SRGAP3: variants seen among roughly 807,000 people sequenced by gnomAD.
The protein encoded by SRGAP3 is SLIT-ROBO Rho GTPase-activating protein 3.
SRGAP3 carries 39 observed loss-of-function variants against 121.1 expected under a neutral mutation model. The ratio of observed to expected loss-of-function variants is 0.32; its 90% CI spans 0.25 to 0.42. The LOEUF is 0.42. Among genes scored for constraint, SRGAP3 ranks in the 10% least tolerant of loss-of-function variants. The pLI, the probability that SRGAP3 is intolerant of heterozygous loss-of-function variation, is 1.00. For missense variants in SRGAP3, 1,213 were observed against 1,470.6 expected (o/e 0.82, Z 2.86); for synonymous variants, 601 against 570.0 (o/e 1.05, Z -0.77).
Position 9,032,690 on chromosome 3 carries a change from C to T in SRGAP3, c.1499G>A (p.Ser500Asn). 2 of 1,613,344 alleles carry T rather than the reference C, an allele frequency of 1.2e-6. No homozygotes were observed. The highest frequency in any genetic ancestry group is 1.7e-5 in the Admixed American group (1 of 59,942). ...MRRPRPLSVY[S>N]HKLFNGSMEA... is the part of the protein sequence containing the mutation. ...CATACTGCCGTTAAAGAGTTTATGG[C>T]TATACACTGAGAGAGGCCTAGGTCT... The change falls in exon 12 of 22, where the codon AGC becomes AAC. Residue 500 changes from serine (S) to asparagine (N), a missense_variant. By Grantham distance (46) the Ser-to-Asn change is conservative. Coordinates refer to ENST00000383836, the MANE Select transcript of SRGAP3 (RefSeq NM_014850.4).
intron 3 of SRGAP3, among the ~76,000 whole-genome samples, chr3:9,261,053 G>A (rs1427287177): frequency 6.6e-6 from 1 of 152,184 alleles, no homozygotes; most frequent in Non-Finnish European, 1.5e-5. Context: ...TGATACCCAG[G>A]CAAACAGGAT....
chr3:8,983,143 C>A lies in SRGAP3; in HGVS notation c.*2376G>T, dbSNP rs190017127. On this transcript the variant is annotated 3_prime_UTR_variant, in exon 22 of 22. Transcript: ENST00000383836. ...GTGTCCTGGCTGGACAGTATAGCAT[C>A]CAGCATGCAAACACATGACTTTAAG... The A allele has an allele frequency of 1.1e-3, 241 of 227,514 alleles. No individual in the cohort carries two copies. Among genetic ancestry groups the A allele is most frequent in the African/African-American group, 5.1e-3 (229 of 45,056 alleles). The allele number at this position is 227,514 out of a possible 1,614,324, so 14.1% of individuals were successfully genotyped here. A position where few individuals can be genotyped will look rare whatever the true frequency, so the allele number is the denominator to read the frequency against.
intron 1 of SRGAP3, among the ~76,000 whole-genome samples, chr3:9,204,903 C>T (rs1470757355): frequency 2.0e-5 from 3 of 152,212 alleles, no homozygotes; most frequent in Non-Finnish European, 4.4e-5. Context: ...AAGAACTGCA[C>T]GTTAAAGGCT....
At chr3:9,097,227 G>C (rs1948023083) in intron 3 of SRGAP3, among the ~76,000 whole-genome samples, 2 of 151,834 alleles carry the variant, frequency 1.3e-5, no homozygotes, top group South Asian at 4.2e-4. Context: ...CTGGCCTCAA[G>C]CAATCCTTCC....
At chr3:9,329,116 C>T (rs1453453880) in intron 2 of SRGAP3, among the ~76,000 whole-genome samples, 8 of 152,240 alleles carry the variant, frequency 5.3e-5, no homozygotes, top group African/African-American at 7.2e-5. Flanking sequence ...AGGTACTCCG[C>T]GACACAGAAA....
intron 1 of SRGAP3, among the ~76,000 whole-genome samples, chr3:9,158,368 CCT>C (rs1950493576): frequency 6.6e-6 from 1 of 152,170 alleles, no homozygotes; most frequent in Non-Finnish European, 1.5e-5. Flanking sequence ...CATGCAGCCC[CCT>C]GTTAATGTGA....
At chr3:9,047,077 C>T (rs1945324777) in intron 10 of SRGAP3, among the ~76,000 whole-genome samples, 1 of 152,180 alleles carries the variant, frequency 6.6e-6, no homozygotes, top group Admixed American at 6.5e-5. Flanking sequence ...CGTGATCCGC[C>T]CACCTCAGCA....
chr3:9,240,304 G>C (rs1307763631), intron 1 of SRGAP3, among the ~76,000 whole-genome samples: 2 of 152,162 alleles, frequency 1.3e-5, no homozygotes, highest in East Asian at 3.9e-4. Flanking sequence ...TATTTTCCAA[G>C]TGAAATCAAG....
Position 9,036,471 on chromosome 3 carries a change from G to C in SRGAP3, c.1436+1592C>G, listed in dbSNP as rs528108448. ...CTGCAGTTGAATGCAGGGTGTCTAA[G>C]TGGGAGGTCTGATAAACTCAGCTTG... On this transcript the variant is annotated intron_variant, in intron 11 of 21. Transcript: ENST00000383836. The C allele has an allele frequency of 2.6e-5, 4 of 152,364 alleles. No individual in the cohort carries two copies. In the East Asian group the frequency reaches 7.7e-4, roughly 29 times the overall value. 9.4% of individuals were successfully genotyped at this position (152,364 alleles called of 1,614,324 possible).
intron 1 of SRGAP3, among the ~76,000 whole-genome samples, chr3:9,230,521 A>T (rs1450664968): frequency 6.6e-6 from 1 of 152,144 alleles, no homozygotes; most frequent in Non-Finnish European, 1.5e-5. Flanking sequence ...GAACTCATCT[A>T]ATGGTGCTAC....
rs911606788 is a variant in SRGAP3 at position 9,025,448 on chromosome 3, G to C, written c.1601-110C>G. The C allele has an allele frequency of 1.6e-5, 19 of 1,216,454 alleles. No individual in the cohort carries two copies. In the Admixed American group the frequency reaches 2.4e-4, roughly 15 times the overall value. 75.4% of individuals were successfully genotyped at this position (1,216,454 alleles called of 1,614,324 possible). A position where few individuals can be genotyped will look rare whatever the true frequency, so the allele number is the denominator to read the frequency against. ...CCCATTGCTTGTCTCTTTCTCCCCCGATCCTTTATAACAGAGTCGTTCCCT... is the reference window on the plus strand; with the variant it reads ...CCCATTGCTTGTCTCTTTCTCCCCCCATCCTTTATAACAGAGTCGTTCCCT... On this transcript the variant is annotated intron_variant, in intron 13 of 21. Coordinates refer to ENST00000383836, the MANE Select transcript of SRGAP3 (RefSeq NM_014850.4).
At chr3:9,328,119 A>G (rs1955548698) in intron 2 of SRGAP3, among the ~76,000 whole-genome samples, 1 of 152,230 alleles carries the variant, frequency 6.6e-6, no homozygotes, top group Non-Finnish European at 1.5e-5. Flanking sequence ...TTTTATCAAT[A>G]ATCTTTAAAG....
At chr3:9,090,122 T>C (rs1575059343) in intron 3 of SRGAP3, among the ~76,000 whole-genome samples, 1 of 152,196 alleles carries the variant, frequency 6.6e-6, no homozygotes, top group Non-Finnish European at 1.5e-5. Flanking sequence ...TGTCAGTCTG[T>C]AGATACCGAA....
intron 20 of SRGAP3, 194 bp downstream of exon 20, chr3:8,992,712 A>G (rs1451804310): frequency 2.4e-6 from 2 of 831,512 alleles, no homozygotes; most frequent in Non-Finnish European, 4.0e-6. Context: ...CCTCCCTGCA[A>G]CACAGGCTGG....
At chr3:9,165,293 T>A (rs1560314362) in intron 1 of SRGAP3, among the ~76,000 whole-genome samples, 1 of 152,162 alleles carries the variant, frequency 6.6e-6, no homozygotes, top group Non-Finnish European at 1.5e-5. Context: ...CAGGCAGCCA[T>A]GGGGCCCTTC....
chr3:9,038,574 G>C (rs1032087188), intron 10 of SRGAP3, among the ~76,000 whole-genome samples: 2 of 152,242 alleles, frequency 1.3e-5, no homozygotes, highest in Non-Finnish European at 1.5e-5. Context: ...TGGCACTGAA[G>C]GATACCAGCC....
chr3:9,242,194 G>C lies in SRGAP3; in HGVS notation c.67+6691C>G, dbSNP rs1470376218. 3.3e-5 allele frequency among the ~76,000 whole-genome samples: 5 copies of C among 151,806 alleles called. No individual in the cohort carries two copies. The East Asian group carries it at 9.7e-4, about 29-fold the overall frequency. On this transcript the variant is annotated intron_variant, in intron 1 of 21. Transcript: ENST00000383836. Reference sequence around the variant, plus strand: ...CATGGCTAAAGGCAGCTGTCTACAAGCCAGGAAGCAGGCCGTCACCAGGAA... The same window carrying C: ...CATGGCTAAAGGCAGCTGTCTACAACCCAGGAAGCAGGCCGTCACCAGGAA...
intron 1 of SRGAP3, among the ~76,000 whole-genome samples, chr3:9,135,296 T>C (rs890206366): frequency 2.6e-5 from 4 of 152,236 alleles, no homozygotes; most frequent in African/African-American, 9.6e-5. Flanking sequence ...ATGGAAAATA[T>C]GGTCCTGAAA....
chr3:9,292,409 C>T (rs1954884838), intron 3 of SRGAP3, among the ~76,000 whole-genome samples: 1 of 152,176 alleles, frequency 6.6e-6, no homozygotes, highest in East Asian at 1.9e-4. Context: ...TTTCTGCCCT[C>T]CATGAAGCCT....
Sources: allele counts gnomAD v4.1 joint callset (sites outside exome capture counted in the v4.1 genomes callset), GRCh38; gene constraint gnomAD v4.1.1; transcripts MANE v1.5; gene names NCBI Gene and HGNC (gene_info 2026-07-23, HGNC 2026-07-21).